Variants in MRPL53 observed in about 807,000 individuals in gnomAD.
MRPL53 encodes the protein mitochondrial ribosomal protein L53, also known as large ribosomal subunit protein mL53.
In MRPL53, 7 loss-of-function variants were observed where a neutral mutation model predicts 7.5. The observed-to-expected ratio is 0.93, with a 90% CI of 0.53 to 1.75. The LOEUF is 1.75. MRPL53 is among the 40% of genes most tolerant of loss of function. The pLI is 0.00. For missense variants in MRPL53, 185 were observed against 159.0 expected (o/e 1.16, Z -0.88); for synonymous variants, 84 against 64.4 (o/e 1.30, Z -1.46).
chr2:74,472,572 G>A lies in MRPL53; in HGVS notation c.89C>T (p.Thr30Met), dbSNP rs768620975. Residue 30 changes from threonine (T) to methionine (M), a missense_variant, in exon 1 of 3, where the codon ACG (threonine) becomes ATG (methionine). Coordinates refer to ENST00000258105, the MANE Select transcript of MRPL53 (RefSeq NM_053050.5). The part of the protein sequence containing the change: ...FCPFEKNVES[T>M]RTFLQTVSSE... Reference sequence around the variant, plus strand: ...TCTACCCACTTCCCCTTCGTACCTCGTCGATTCCACGTTTTTCTCGAAGGG... The same window carrying A: ...TCTACCCACTTCCCCTTCGTACCTCATCGATTCCACGTTTTTCTCGAAGGG... The A allele has an allele frequency of 1.2e-6, 2 of 1,614,110 alleles. No individual in the cohort carries two copies. The highest frequency in any genetic ancestry group is 1.7e-5 in the Admixed American group (1 of 60,008).
chr2:74,472,448 T>C lies in MRPL53; in HGVS notation c.115A>G (p.Ser39Gly). ...AGATTAGTGGAGCGGACCTTCTCAC[T>C]GCTCACCGTCTGCAGGAAGGTCCTA... is the stretch of plus-strand genomic sequence containing the variant. ...STRTFLQTVS[S>G]EKVRSTNLNC... Residue 39 changes from serine to glycine, a missense_variant, in exon 2 of 3, where the codon AGT (serine) becomes GGT (glycine). Ser to Gly is a moderately conservative substitution (Grantham distance 56). Transcript: ENST00000258105. 10 of 1,614,014 alleles carry C rather than the reference T, an allele frequency of 6.2e-6. No individual in the cohort carries two copies. Among genetic ancestry groups the C allele is most frequent in the Non-Finnish European group, 8.5e-6 (10 of 1,179,900 alleles).
intron 2 of MRPL53, 35 bp downstream of exon 2, chr2:74,472,322 TC>T (rs1310909059): frequency 1.2e-6 from 2 of 1,612,128 alleles, no homozygotes; most frequent in Non-Finnish European, 1.7e-6. Flanking sequence ...CGCGGGCTGC[TC>T]GCTGTTCCCT....
rs748381328 is a variant in MRPL53, at chr2:74,472,532, G to A, written c.92+37C>T. ...CTTAAAGCCCCGGCTGAAGGAAGGC[G>A]CACCACTTCCCGCTTCTACCCACTT... On this transcript the variant is annotated intron_variant, in intron 1 of 2. Transcript: ENST00000258105. 9 of 1,613,482 alleles carry A rather than the reference G, an allele frequency of 5.6e-6. No homozygotes were observed. The South Asian group carries it at 9.9e-5, about 18-fold the overall frequency.
chr2:74,472,256 G>A lies in MRPL53; in HGVS notation c.206-4C>T, dbSNP rs1349114625. On this transcript the variant is annotated splice_polypyrimidine_tract_variant and splice_region_variant and intron_variant, in intron 2 of 2. Transcript: ENST00000258105. Reference sequence around the variant, plus strand: ...ATAATCAGGCGATGCCCGTCTCCTGGGGAAGAAACAAACGAGTGAGACAGG... The same window carrying A: ...ATAATCAGGCGATGCCCGTCTCCTGAGGAAGAAACAAACGAGTGAGACAGG... The A allele has an allele frequency of 1.2e-6, 2 of 1,614,050 alleles. No homozygotes were observed. Among genetic ancestry groups the A allele is most frequent in the East Asian group, 2.2e-5 (1 of 44,876 alleles).
In MRPL53 at chr2:74,472,383, G is replaced by A. The variant is rs139817903; in HGVS notation, c.180C>T (p.Ser60=). Residue 60 remains serine (S), a synonymous_variant, in exon 2 of 3, where the codon TCC becomes TCT. Transcript: ENST00000258105. ...CGAACAGCACGTCCACGCAGGGCTC[G>A]GAGCCGTCATGCCTCACGTCCGCAA... is the stretch of plus-strand genomic sequence containing the variant. ...SVIADVRHDG[S]EPCVDVLFGD... is the part of the protein sequence containing the mutation. The A allele has an allele frequency of 1.7e-4, 279 of 1,613,862 alleles. No individual in the cohort carries two copies. Among genetic ancestry groups the A allele is most frequent in the Admixed American group, 4.0e-4 (24 of 59,980 alleles).
At position 74,472,041 on chromosome 2, in the gene MRPL53, G is replaced by T; in HGVS notation, c.*78C>A. 2 of 1,568,256 alleles carry T rather than the reference G, an allele frequency of 1.3e-6. No individual in the cohort carries two copies. On this transcript the variant is annotated 3_prime_UTR_variant, in exon 3 of 3. Coordinates refer to ENST00000258105, the MANE Select transcript of MRPL53 (RefSeq NM_053050.5). Reference sequence around the variant, plus strand: ...TCCGTGACCCTTCAGATAGTGATTTGAATGATTAAGTGAAACTCTTCTTAG... The same window carrying T: ...TCCGTGACCCTTCAGATAGTGATTTTAATGATTAAGTGAAACTCTTCTTAG...
chr2:74,472,176 G>A lies in MRPL53; in HGVS notation c.282C>T (p.Ile94=). ...CGCTGCCCGCCGCGTCCCTGGCCCG[G>A]ATGTGGGAGGCGAAGGCGGTGAGCA... ...LEMLTAFASH[I]RARDAAGSGD... Residue 94 remains isoleucine (I), a synonymous_variant, in exon 3 of 3, where the codon ATC becomes ATT. Transcript: ENST00000258105. The A allele has an allele frequency of 6.2e-7, 1 of 1,614,218 alleles. No individual in the cohort carries two copies. Among genetic ancestry groups the A allele is most frequent in the East Asian group, 2.2e-5 (1 of 44,884 alleles).
At position 74,472,454 on chromosome 2, in the gene MRPL53, C is replaced by T; in HGVS notation, c.109G>A (p.Val37Met). The T allele has an allele frequency of 1.2e-6, 2 of 1,614,046 alleles. No homozygotes were observed. Among genetic ancestry groups the T allele is most frequent in the Non-Finnish European group, 1.7e-6 (2 of 1,179,912 alleles). ...VESTRTFLQT[V>M]SSEKVRSTNL... ...GTGGAGCGGACCTTCTCACTGCTCA[C>T]CGTCTGCAGGAAGGTCCTACGGTGG... Residue 37 changes from valine (V) to methionine (M), a missense_variant, in exon 2 of 3, where the codon GTG becomes ATG. Transcript: ENST00000258105.
chr2:74,471,982 T>C lies in MRPL53; in HGVS notation c.*137A>G, dbSNP rs1572926071. 4.5e-6 allele frequency: 5 copies of C among 1,116,836 alleles called. No individual in the cohort carries two copies. Among genetic ancestry groups the C allele is most frequent in the East Asian group, 2.4e-5 (1 of 41,178 alleles). 69.2% of individuals were successfully genotyped at this position (1,116,836 alleles called of 1,614,324 possible). A position where few individuals can be genotyped will look rare whatever the true frequency, so the allele number is the denominator to read the frequency against. ...CTGATCTAGTCTTGTTCCAGAAACA[T>C]TGTGGTAGCAGGGTTTTAAACTTTA... On this transcript the variant is annotated 3_prime_UTR_variant, in exon 3 of 3. Coordinates refer to ENST00000258105, the MANE Select transcript of MRPL53 (RefSeq NM_053050.5).
At position 74,472,553 on chromosome 2, in the gene MRPL53, C is replaced by A. The variant is rs200975054; in HGVS notation, c.92+16G>T. 1.3e-3 allele frequency: 2,023 copies of A among 1,614,184 alleles called. 2 individuals are homozygous for A. Among genetic ancestry groups the A allele is most frequent in the Middle Eastern group, 5.4e-3 (33 of 6,062 alleles). On this transcript the variant is annotated intron_variant, in intron 1 of 2. Transcript: ENST00000258105. ...AGGCGCACCACTTCCCGCTTCTACC[C>A]ACTTCCCCTTCGTACCTCGTCGATT... is the stretch of plus-strand genomic sequence containing the variant.
chr2:74,472,073 T>C lies in MRPL53; in HGVS notation c.*46A>G, dbSNP rs947191585. ...TAAGTGAAACTCTTCTTAGGTTAAG[T>C]GTCCTAGTCCACGCTAAAATCATCT... On this transcript the variant is annotated 3_prime_UTR_variant, in exon 3 of 3. Transcript: ENST00000258105. 5 of 1,604,448 alleles carry C rather than the reference T, an allele frequency of 3.1e-6. No homozygotes were observed. The highest frequency in any genetic ancestry group is 2.1e-4 in the Middle Eastern group (1 of 4,870).
In MRPL53 at chr2:74,472,578, T is replaced by G. The variant is rs1303884689; in HGVS notation, c.83A>C (p.Glu28Ala). ...CACTTCCCCTTCGTACCTCGTCGAT[T>G]CCACGTTTTTCTCGAAGGGACAGAA... Reference protein sequence around the residue: ...VQFCPFEKNVESTRTFLQTVS... With the variant: ...VQFCPFEKNVASTRTFLQTVS... The change falls in exon 1 of 3, where the codon GAA (glutamate) becomes GCA (alanine). Residue 28 changes from glutamate to alanine, a missense_variant. Transcript: ENST00000258105. The G allele has an allele frequency of 6.2e-7, 1 of 1,614,244 alleles. No homozygotes were observed. The highest frequency in any genetic ancestry group is 1.7e-5 in the Admixed American group (1 of 60,028).
rs1672207854 is a variant in MRPL53 at position 74,472,596 on chromosome 2, G to A, written c.65C>T (p.Pro22Leu). 6.2e-7 allele frequency: 1 copy of A among 1,614,258 alleles called. No individual in the cohort carries two copies. The highest frequency in any genetic ancestry group is 2.2e-5 in the East Asian group (1 of 44,884). The part of the protein sequence containing the change: ...PVKQVRVQFC[P>L]FEKNVESTRT... Reference sequence around the variant, plus strand: ...CGTCGATTCCACGTTTTTCTCGAAGGGACAGAACTGAACCCGAACCTGTTT... The same window carrying A: ...CGTCGATTCCACGTTTTTCTCGAAGAGACAGAACTGAACCCGAACCTGTTT... The change falls in exon 1 of 3, where the codon CCC becomes CTC. Residue 22 changes from proline (P) to leucine (L), a missense_variant. Pro to Leu is a moderately conservative substitution (Grantham distance 98, BLOSUM62 -3). Transcript: ENST00000258105.
At position 74,472,492 on chromosome 2, in the gene MRPL53, G is replaced by A. The variant is rs749941866; in HGVS notation, c.93-22C>T. On this transcript the variant is annotated intron_variant, in intron 1 of 2. Transcript: ENST00000258105. ...GGTCCTACGGTGGAAAAACAGAGGA[G>A]CGCCAAGCTGAGGGCTTAAAGCCCC... 26 of 1,613,678 alleles carry A rather than the reference G, an allele frequency of 1.6e-5. No individual in the cohort carries two copies. The African/African-American group carries it at 2.5e-4, about 16-fold the overall frequency.
intron 2 of MRPL53, 36 bp from the exon 3 acceptor site, chr2:74,472,288 C>G (rs1461328109): frequency 1.2e-6 from 2 of 1,613,290 alleles, no homozygotes; most frequent in East Asian, 4.5e-5. Flanking sequence ...CAGGGAGGGA[C>G]CGCAGTGCTG....
chr2:74,472,266 A>C lies in MRPL53; in HGVS notation c.206-14T>G, dbSNP rs1488097352. On this transcript the variant is annotated splice_polypyrimidine_tract_variant and intron_variant, in intron 2 of 2. Coordinates refer to ENST00000258105, the MANE Select transcript of MRPL53 (RefSeq NM_053050.5). ...GATGCCCGTCTCCTGGGGAAGAAAC[A>C]AACGAGTGAGACAGGGAGGGACCGC... 6.2e-7 allele frequency: 1 copy of C among 1,614,010 alleles called. No individual in the cohort carries two copies. Among genetic ancestry groups the C allele is most frequent in the Admixed American group, 1.7e-5 (1 of 59,994 alleles).
Position 74,472,102 on chromosome 2 carries a change from TG to T in MRPL53, c.*16del, listed in dbSNP as rs750670928. On this transcript the variant is annotated 3_prime_UTR_variant, in exon 3 of 3. Coordinates refer to ENST00000258105, the MANE Select transcript of MRPL53 (RefSeq NM_053050.5). ...CTAGTCCACGCTAAAATCATCTTGT[TG>T]GTCTCTTTGGCGCTGTCAGCGACCA... 2.9e-5 allele frequency: 46 copies of T among 1,613,040 alleles called. No homozygotes were observed. The highest frequency in any genetic ancestry group is 3.6e-5 in the Non-Finnish European group (43 of 1,179,636).
Position 74,472,373 on chromosome 2 carries a change from C to T in MRPL53, c.190G>A (p.Val64Met). The change falls in exon 2 of 3, where the codon GTG (valine) becomes ATG (methionine). Residue 64 changes from valine to methionine, a missense_variant. Val to Met is a conservative substitution (Grantham distance 21). Transcript: ENST00000258105. Reference protein sequence around the residue: ...DVRHDGSEPCVDVLFGDGHRL... With the variant: ...DVRHDGSEPCMDVLFGDGHRL... ...CCAAGCCCACCGAACAGCACGTCCA[C>T]GCAGGGCTCGGAGCCGTCATGCCTC... 6.2e-7 allele frequency: 1 copy of T among 1,613,954 alleles called. No individual in the cohort carries two copies. The highest frequency in any genetic ancestry group is 2.2e-5 in the East Asian group (1 of 44,876).
At position 74,472,618 on chromosome 2, in the gene MRPL53, G is replaced by A. The variant is rs747196565; in HGVS notation, c.43C>T (p.Gln15Ter). Residue 15 changes from glutamine to a stop codon, truncating the protein, a stop_gained, in exon 1 of 3, where the codon CAG becomes TAG. Transcript: ENST00000258105. LOFTEE classifies it high-confidence loss of function. ...LARLGLRPVKQVRVQFCPFEK... is the reference protein window; with the variant it reads ...LARLGLRPVK The stretch of plus-strand genomic sequence containing the variant: ...AAGGGACAGAACTGAACCCGAACCT[G>A]TTTGACAGGCCGCAGACCAAGCCGA... 2 of 1,614,126 alleles carry A rather than the reference G, an allele frequency of 1.2e-6. No individual in the cohort carries two copies. The highest frequency in any genetic ancestry group is 1.7e-6 in the Non-Finnish European group (2 of 1,180,062).
Sources: gnomAD v4.1 joint callset for allele counts on GRCh38, gnomAD v4.1.1 for gene constraint, MANE v1.5 for transcripts, NCBI Gene and HGNC (gene_info 2026-07-23, HGNC 2026-07-21) for gene names.